Variants in GCNA observed in about 807,000 individuals in gnomAD.
The protein encoded by GCNA is germ cell nuclear acidic peptidase.
A neutral mutation model predicts 38.8 loss-of-function variants in GCNA; 3 were observed. The observed-to-expected ratio is 0.08, with a 90% CI of 0.04 to 0.20. The LOEUF (loss-of-function observed/expected upper bound fraction) is 0.20. Ranked by LOEUF, GCNA falls within the 10% of genes least tolerant of loss-of-function variation. The probability of loss-of-function intolerance (pLI) is 1.00; values close to 1 mark genes in which losing one functional copy is unlikely to be tolerated. For missense variants in GCNA, 446 were observed against 578.6 expected, an observed-to-expected ratio of 0.77 and a Z score of 2.35; for synonymous variants, 195 against 240.2, an observed-to-expected ratio of 0.81 and a Z score of 1.74.
intron 4 of GCNA, among the ~76,000 whole-genome samples, chrX:71,593,174 G>A (rs1000167614): frequency 2.9e-4 from 32 of 112,260 alleles, no homozygotes; most frequent in African/African-American, 1.0e-3. Context: ...GATTACAGGC[G>A]TGAACCACTG....
intron 2 of GCNA, among the ~76,000 whole-genome samples, chrX:71,588,619 G>A (rs1319561991): frequency 9.0e-6 from 1 of 111,573 alleles, no homozygotes; most frequent in Non-Finnish European, 1.9e-5. Context: ...CTGAGGTCAG[G>A]AGTTCAAGAC....
chrX:71,587,662 A>C (rs1021363806), intron 2 of GCNA, among the ~76,000 whole-genome samples: 2 of 111,891 alleles, frequency 1.8e-5, no homozygotes, highest in Non-Finnish European at 3.8e-5. Context: ...TGATATTTTC[A>C]ATTCCTGATT....
At chrX:71,591,543 GC>G (rs2147716393) in intron 2 of GCNA, among the ~76,000 whole-genome samples, 1 of 101,791 alleles carries the variant, frequency 9.8e-6, no homozygotes, top group African/African-American at 3.6e-5. Context: ...GGACCTCCTT[GC>G]CCTTTTGCCC....
Position 71,612,492 on chromosome X carries a change from G to T in GCNA, c.1888G>T (p.Val630Phe). ...CAGGATACACCCGGAGCTGCCCAGG[G>T]TCACCCGTTGCCATAACTATAAGAT... ...SNRIHPELPR[V>F]TRCHNYKINY... is the part of the protein sequence containing the mutation. The change falls in exon 12 of 13, where the codon GTC becomes TTC. Residue 630 changes from valine (V) to phenylalanine (F), a missense_variant. Physicochemically the swap from Val to Phe is conservative, Grantham distance 50 (BLOSUM62 -1). Coordinates refer to ENST00000373696, the MANE Select transcript of GCNA (RefSeq NM_052957.5). 2.5e-6 allele frequency: 3 copies of T among 1,210,057 alleles called. No individual in the cohort carries two copies. Among genetic ancestry groups the T allele is most frequent in the Non-Finnish European group, 3.4e-6 (3 of 895,055 alleles).
rs769579366 is a variant in GCNA at position 71,603,570 on chromosome X, G to T, written c.311-18G>T. The T allele has an allele frequency of 8.4e-7, 1 of 1,197,257 alleles. No homozygotes were observed. Among genetic ancestry groups the T allele is most frequent in the Admixed American group, 2.3e-5 (1 of 44,392 alleles). ...AGAGGGAGTATATTTACATATGATTGTGTCTCTTGAATTTCAGATGAGAGT... is the reference window on the plus strand; with the variant it reads ...AGAGGGAGTATATTTACATATGATTTTGTCTCTTGAATTTCAGATGAGAGT... On this transcript the variant is annotated intron_variant, in intron 7 of 12. Transcript: ENST00000373696.
chrX:71,579,399 A>G (rs1218092556), intron 1 of GCNA, among the ~76,000 whole-genome samples: 10 of 26,431 alleles, frequency 3.8e-4, no homozygotes, highest in Non-Finnish European at 6.4e-4. Context: ...GGGGGTGCCA[A>G]TGGGGGCGTT....
intron 7 of GCNA, 73 bp downstream of exon 7, chrX:71,598,111 A>G (rs1234571788): frequency 4.0e-6 from 3 of 751,683 alleles, no homozygotes; most frequent in East Asian, 6.8e-5. Context: ...TTTCAGGATC[A>G]GAGTCCGCAG....
intron 2 of GCNA, among the ~76,000 whole-genome samples, chrX:71,584,490 C>A (rs1247679842): frequency 9.0e-6 from 1 of 111,195 alleles, no homozygotes; most frequent in African/African-American, 3.3e-5. Context: ...TGGGCTCAAG[C>A]GATTTGCCTG....
intron 2 of GCNA, among the ~76,000 whole-genome samples, chrX:71,585,787 TAGTG>T (rs201415970): frequency 0.025 from 2,675 of 105,721 alleles, 37 homozygotes; most frequent in Non-Finnish European, 0.038. Flanking sequence ...AATTATTACT[TAGTG>T]AGATCTAGTA....
At chrX:71,595,802 G>A (rs1294133608) in intron 6 of GCNA, among the ~76,000 whole-genome samples, 1 of 112,769 alleles carries the variant, frequency 8.9e-6, no homozygotes, top group African/African-American at 3.2e-5. Context: ...CATCAAGCTA[G>A]ATAGTGCTGT....
intron 2 of GCNA, among the ~76,000 whole-genome samples, chrX:71,584,640 G>A (rs1311316727): frequency 3.6e-5 from 4 of 111,231 alleles, no homozygotes; most frequent in African/African-American, 9.8e-5. Context: ...CGAGGCGGGC[G>A]GATCACGAGG....
chrX:71,579,049 C>T (rs2040524242), intron 1 of GCNA, among the ~76,000 whole-genome samples: 1 of 98,325 alleles, frequency 1.0e-5, no homozygotes, highest in Admixed American at 1.1e-4. Flanking sequence ...GTAGGGGCAC[C>T]ATTGGCGGCC....
intron 7 of GCNA, among the ~76,000 whole-genome samples, chrX:71,599,422 CT>C (rs2040696450): frequency 1.8e-5 from 2 of 111,878 alleles, no homozygotes; most frequent in Non-Finnish European, 3.8e-5. Context: ...AAGGAGGCAG[CT>C]TGAGGGCAGG....
At chrX:71,599,574 T>C (rs957383439) in intron 7 of GCNA, among the ~76,000 whole-genome samples, 2 of 112,351 alleles carry the variant, frequency 1.8e-5, no homozygotes, top group Non-Finnish European at 3.8e-5. Context: ...GGACTGTAGC[T>C]GTGGGCATCC....
At chrX:71,599,024 T>TG (rs1481620413) in intron 7 of GCNA, among the ~76,000 whole-genome samples, 1 of 104,770 alleles carries the variant, frequency 9.5e-6, no homozygotes, top group East Asian at 2.9e-4. Context: ...TTGTTGTTGT[T>TG]TTTTTTTTTT....
chrX:71,583,692 C>CTTTTTTTTT (rs753557808), intron 2 of GCNA, among the ~76,000 whole-genome samples: 2 of 72,658 alleles, frequency 2.8e-5, no homozygotes, highest in Admixed American at 1.8e-4. Context: ...CTATTATATT[C>CTTTTTTTTT]TTTTTTTTTT....
At chrX:71,598,801 T>C (rs1294968862) in intron 7 of GCNA, among the ~76,000 whole-genome samples, 1 of 111,239 alleles carries the variant, frequency 9.0e-6, no homozygotes, top group Non-Finnish European at 1.9e-5. Flanking sequence ...AGTTAATGTT[T>C]GCTGAGCTGA....
chrX:71,593,603 C>T (rs1449241098), intron 4 of GCNA, among the ~76,000 whole-genome samples: 1 of 104,186 alleles, frequency 9.6e-6, no homozygotes, highest in Non-Finnish European at 2.0e-5. Flanking sequence ...GCCCCAGCAT[C>T]GTGGCTCACT....
intron 4 of GCNA, among the ~76,000 whole-genome samples, chrX:71,593,043 G>A (rs189791227): frequency 1.1e-4 from 12 of 111,328 alleles, no homozygotes; most frequent in East Asian, 5.6e-4. Context: ...ATAGGCACAC[G>A]CTACCATGCC....
Sources: gnomAD v4.1 joint callset for allele counts (sites outside exome capture counted in the v4.1 genomes callset) on GRCh38, gnomAD v4.1.1 for gene constraint, MANE v1.5 for transcripts, NCBI Gene and HGNC (gene_info 2026-07-23, HGNC 2026-07-21) for gene names.